The following C5orf58 variants were observed in gnomAD, a reference collection of about 807,000 sequenced individuals.
C5orf58 encodes chromosome 5 open reading frame 58.
C5orf58 carries 2 observed loss-of-function variants against 2.9 expected under a neutral mutation model. The observed-to-expected ratio is 0.69, with a 90% CI of 0.28 to 2.18. C5orf58 has a LOEUF of 2.18. Ranked by LOEUF, C5orf58 falls within the 30% of genes most tolerant of loss-of-function variation. The pLI, the probability that C5orf58 is intolerant of heterozygous loss-of-function variation, is 0.13. For missense variants in C5orf58, 96 were observed against 91.7 expected, an observed-to-expected ratio of 1.05 and a Z score of -0.19; for synonymous variants, 37 against 33.4, an observed-to-expected ratio of 1.11 and a Z score of -0.37.
At chr5:170,246,286 C>T (rs1761289592), downstream of C5orf58, 3 of 546,890 alleles carry the variant, frequency 5.5e-6, no homozygotes, top group Non-Finnish European at 9.3e-6. Context: ...ACTTACGTCA[C>T]TAATGGCAAG....
chr5:170,243,533 T>C (rs1341874467), intron 3 of C5orf58, among the ~76,000 whole-genome samples: 2 of 152,220 alleles, frequency 1.3e-5, no homozygotes, highest in East Asian at 3.9e-4. Flanking sequence ...CATTATGTAA[T>C]GGCCTTCTTT....
chr5:170,235,344 C>A (rs1362553006), intron 3 of C5orf58, among the ~76,000 whole-genome samples: 1 of 152,186 alleles, frequency 6.6e-6, no homozygotes, highest in East Asian at 1.9e-4. Flanking sequence ...TTCCCTTCAA[C>A]ACACCATTCA....
chr5:170,244,872 C>A (rs1320862198), intron 3 of C5orf58, among the ~76,000 whole-genome samples: 2 of 152,038 alleles, frequency 1.3e-5, no homozygotes, highest in Non-Finnish European at 2.9e-5. Flanking sequence ...TTTAGAGTTT[C>A]CAGTTTTTCT....
At chr5:170,237,023 T>C (rs1364048538) in intron 3 of C5orf58, among the ~76,000 whole-genome samples, 1 of 152,258 alleles carries the variant, frequency 6.6e-6, no homozygotes, top group Non-Finnish European at 1.5e-5. Context: ...CTTGAACTCA[T>C]TTAAAACAGT....
chr5:170,241,089 T>TA (rs2113110164), intron 3 of C5orf58, among the ~76,000 whole-genome samples: 1 of 148,166 alleles, frequency 6.7e-6, no homozygotes, highest in South Asian at 2.2e-4. Flanking sequence ...TAGTTGTAGA[T>TA]ATGCGGCGTT....
chr5:170,248,033 A>T (rs980897110), downstream of C5orf58: 2 of 152,268 alleles, frequency 1.3e-5, no homozygotes, highest in Non-Finnish European at 2.9e-5. Flanking sequence ...AGACAAAAAT[A>T]TAACAGTATG....
rs556812118 is a variant in C5orf58 at position 170,233,477 on chromosome 5, T to G, written c.-85+470T>G. On this transcript the variant is annotated intron_variant, in intron 1 of 3. Transcript: ENST00000593851. ...ATCTGGGGCTCCTCCCAGGTGTCAG[T>G]TGGGCCAAGGAGGAGGCTGGGCTTT... 3 of 152,702 alleles carry G rather than the reference T, an allele frequency of 2.0e-5. No homozygotes were observed. The East Asian group carries it at 5.8e-4, about 29-fold the overall frequency. The allele number at this position is 152,702 out of a possible 1,614,324, so 9.5% of individuals were successfully genotyped here. A position where few individuals can be genotyped will look rare whatever the true frequency, so the allele number is the denominator to read the frequency against.
chr5:170,248,988 T>A (rs1761363494), downstream of C5orf58, among the ~76,000 whole-genome samples: 1 of 152,156 alleles, frequency 6.6e-6, no homozygotes, highest in African/African-American at 2.4e-5. Flanking sequence ...TATAGAACTT[T>A]GAAAAAATTC....
At chr5:170,249,674 CAT>C, downstream of C5orf58, among the ~76,000 whole-genome samples, 1 of 152,284 alleles carries the variant, frequency 6.6e-6, no homozygotes, top group African/African-American at 2.4e-5. Context: ...CCTTCACACT[CAT>C]AAAGGCTCAG....
At chr5:170,248,539 T>A, downstream of C5orf58, 1 of 740,906 alleles carries the variant, frequency 1.3e-6, no homozygotes, top group South Asian at 1.6e-5. Context: ...GTTGACAGTC[T>A]TCATTTCAAA....
chr5:170,236,398 G>T (rs1371689271), intron 3 of C5orf58, among the ~76,000 whole-genome samples: 1 of 152,104 alleles, frequency 6.6e-6, no homozygotes, highest in Non-Finnish European at 1.5e-5. Context: ...AAATAAGTTT[G>T]GAAAGTGCTT....
chr5:170,235,798 C>T (rs1760716779), intron 3 of C5orf58, among the ~76,000 whole-genome samples: 1 of 152,074 alleles, frequency 6.6e-6, no homozygotes, highest in Non-Finnish European at 1.5e-5. Flanking sequence ...TAAAGATAAC[C>T]TGTGTCAGTT....
intron 3 of C5orf58, among the ~76,000 whole-genome samples, chr5:170,244,319 T>A (rs1761154386): frequency 6.6e-6 from 1 of 150,952 alleles, no homozygotes; most frequent in Non-Finnish European, 1.5e-5. Context: ...AATCTGAACA[T>A]TGGCCTGCCT....
chr5:170,245,915 A>C (rs1451214069), intron 3 of C5orf58, 47 bp from the exon 4 acceptor site: 1 of 1,543,608 alleles, frequency 6.5e-7, no homozygotes, highest in Non-Finnish European at 8.8e-7. Flanking sequence ...ATAGTTTTTT[A>C]TGACATATGT....
intron 3 of C5orf58, among the ~76,000 whole-genome samples, chr5:170,240,831 T>C (rs1334258138): frequency 1.3e-5 from 2 of 151,986 alleles, no homozygotes; most frequent in Non-Finnish European, 2.9e-5. Context: ...TTTGGTGTTT[T>C]GGACGTGAAG....
chr5:170,248,664 A>T (rs1350946488), downstream of C5orf58: 1 of 1,604,122 alleles, frequency 6.2e-7, no homozygotes, highest in African/African-American at 1.4e-5. Context: ...CAACAGAGGC[A>T]GGAGGACGGT....
intron 3 of C5orf58, chr5:170,237,166 T>G: frequency 2.5e-6 from 1 of 397,314 alleles, no homozygotes. Context: ...GGTCAGGCAG[T>G]TAGACTCTGA....
chr5:170,234,561 G>A (rs1760661633), intron 2 of C5orf58, among the ~76,000 whole-genome samples: 1 of 152,148 alleles, frequency 6.6e-6, no homozygotes, highest in Non-Finnish European at 1.5e-5. Context: ...GTTTCACTGT[G>A]TACTTAAATC....
intron 3 of C5orf58, among the ~76,000 whole-genome samples, chr5:170,240,849 C>T (rs2113109165): frequency 6.6e-6 from 1 of 151,938 alleles, no homozygotes; most frequent in South Asian, 2.1e-4. Flanking sequence ...AAGTCCTTGC[C>T]CATGCCTATG....
Sources: allele counts gnomAD v4.1 joint callset (sites outside exome capture counted in the v4.1 genomes callset), GRCh38; gene constraint gnomAD v4.1.1; transcripts MANE v1.5; gene names NCBI Gene and HGNC (gene_info 2026-07-23, HGNC 2026-07-21).